Variants in CHFR observed in about 807,000 individuals in gnomAD.
CHFR encodes E3 ubiquitin-protein ligase CHFR.
Under a neutral mutation model 87.6 loss-of-function variants are expected in CHFR, and 57 were observed. The ratio of observed to expected loss-of-function variants is 0.65; its 90% confidence interval spans 0.53 to 0.81. The LOEUF is 0.81. Ranked by LOEUF, CHFR falls within the 30% of genes least tolerant of loss-of-function variation. The probability of loss-of-function intolerance (pLI) is 0.00; values close to 1 mark genes in which losing one functional copy is unlikely to be tolerated. For synonymous variants in CHFR, 381 were observed against 359.2 expected (o/e 1.06, Z -0.69); for missense variants, 797 against 865.8 (o/e 0.92, Z 1.00).
chr12:132,853,653 A>G, intron 10 of CHFR, 80 bp from the exon 11 acceptor site: 1 of 1,432,692 alleles, frequency 7.0e-7, no homozygotes, highest in South Asian at 1.4e-5. Flanking sequence ...GTCCGCAGCC[A>G]TCACAGCTCA....
intron 14 of CHFR, chr12:132,847,668 G>A (rs1324235723): frequency 9.1e-7 from 1 of 1,100,972 alleles, no homozygotes; most frequent in Non-Finnish European, 1.1e-6. Flanking sequence ...TTAAACATAT[G>A]TAAATCCTAG....
At chr12:132,880,120 G>C (rs1209627299) in intron 2 of CHFR, among the ~76,000 whole-genome samples, 2 of 152,142 alleles carry the variant, frequency 1.3e-5, no homozygotes, top group Non-Finnish European at 2.9e-5. Flanking sequence ...TTTTGAAAAA[G>C]AATGAAGCTG....
At chr12:132,863,562 G>A (rs1476542496) in intron 6 of CHFR, among the ~76,000 whole-genome samples, 2 of 152,144 alleles carry the variant, frequency 1.3e-5, no homozygotes, top group Non-Finnish European at 2.9e-5. Flanking sequence ...TCTGTGTAAA[G>A]CACAGATGCT....
chr12:132,861,038 C>G (rs1038985416), intron 7 of CHFR, among the ~76,000 whole-genome samples: 2 of 152,160 alleles, frequency 1.3e-5, no homozygotes, highest in Non-Finnish European at 2.9e-5. Flanking sequence ...TAGGCGGGAG[C>G]CACGGTGTCA....
chr12:132,853,340 C>G (rs868539292), intron 11 of CHFR, 91 bp downstream of exon 11: 2 of 1,312,048 alleles, frequency 1.5e-6, no homozygotes, highest in African/African-American at 1.5e-5. Context: ...AGACAGGAGG[C>G]GGGCAGAGCG....
intron 9 of CHFR, 189 bp from the exon 10 acceptor site, chr12:132,856,819 G>A (rs867313727): frequency 3.9e-5 from 27 of 696,522 alleles, no homozygotes; most frequent in East Asian, 5.4e-5. Context: ...ATGCCCTCAC[G>A]TGCCCGGGTG....
chr12:132,842,824 T>G (rs1354071095), intron 17 of CHFR, among the ~76,000 whole-genome samples, 187 bp downstream of exon 17: 1 of 152,142 alleles, frequency 6.6e-6, no homozygotes, highest in Admixed American at 6.5e-5. Context: ...GACACAGAAG[T>G]GGAAGACGGA....
chr12:132,862,999 C>G (rs1197754685), intron 6 of CHFR, among the ~76,000 whole-genome samples: 3 of 151,002 alleles, frequency 2.0e-5, no homozygotes, highest in Admixed American at 2.0e-4. Flanking sequence ...CTGGTTCACG[C>G]CATTCTCCTG....
chr12:132,847,060 C>A lies in CHFR; in HGVS notation c.1718G>T (p.Gly573Val). The A allele has an allele frequency of 1.2e-6, 2 of 1,613,290 alleles. No homozygotes were observed. The highest frequency in any genetic ancestry group is 1.7e-6 in the Non-Finnish European group (2 of 1,179,460). Residue 573 changes from glycine (G) to valine (V), a missense_variant, in exon 15 of 18, where the codon GGA becomes GTA. Physicochemically the swap from Gly to Val is moderately radical, Grantham distance 109 (BLOSUM62 -3). Transcript: ENST00000450056. ...GAACTCACCAGACAGCAGAAACACT[C>A]CCCGCTGGAGAGCCACGAGGCTCTC... ...LTESLVALQRGVFLLSDYRVT... is the reference protein window; with the variant it reads ...LTESLVALQRVVFLLSDYRVT...
chr12:132,849,033 G>A (rs1327311200), intron 12 of CHFR: 2 of 285,140 alleles, frequency 7.0e-6, no homozygotes, highest in Admixed American at 5.0e-5. Flanking sequence ...TGCAACCTCC[G>A]CCTCCTGGGT....
chr12:132,872,307 G>A lies in CHFR; in HGVS notation c.321C>T (p.Tyr107=), dbSNP rs768330210. The change falls in exon 4 of 18, where the codon TAC becomes TAT. Residue 107 remains tyrosine (Y), a synonymous_variant. Coordinates refer to ENST00000450056, the MANE Select transcript of CHFR (RefSeq NM_001161346.2). ...LQTGDVIYLV[Y]RKNEPEHNVA... ...TACTGTGTTCCGGTTCATTCTTCCTGTACACCAAGTAGATGACATCCCCAG... is the reference window on the plus strand; with the variant it reads ...TACTGTGTTCCGGTTCATTCTTCCTATACACCAAGTAGATGACATCCCCAG... 38 of 1,611,860 alleles carry A rather than the reference G, an allele frequency of 2.4e-5. No individual in the cohort carries two copies. Among genetic ancestry groups the A allele is most frequent in the Non-Finnish European group, 3.0e-5 (35 of 1,178,134 alleles).
intron 6 of CHFR, among the ~76,000 whole-genome samples, chr12:132,863,762 C>T (rs888794998): frequency 3.3e-5 from 5 of 152,088 alleles, no homozygotes; most frequent in African/African-American, 9.7e-5. Flanking sequence ...TTTCTAATCA[C>T]CTCTATCTTT....
chr12:132,858,439 G>A (rs990904730), intron 8 of CHFR, among the ~76,000 whole-genome samples: 1 of 151,754 alleles, frequency 6.6e-6, no homozygotes, highest in African/African-American at 2.4e-5. Context: ...AAAATCAGCA[G>A]GGTGGCTGGG....
At position 132,836,637 on chromosome 12, in the gene CHFR, T is replaced by TGAG; in HGVS notation, c.*4916_*4917insCTC. ...CAACATTCTCTCCTGAGTCCATTCC[T>TGAG]TCCACAGACATGCACGACCAAGTGT... On this transcript the variant is annotated 3_prime_UTR_variant, in exon 18 of 18. Coordinates refer to ENST00000450056, the MANE Select transcript of CHFR (RefSeq NM_001161346.2). 1 of 456,106 alleles carries TGAG rather than the reference T, an allele frequency of 2.2e-6. No homozygotes were observed. The highest frequency in any genetic ancestry group is 4.4e-6 in the Non-Finnish European group (1 of 226,806). 28.3% of individuals were successfully genotyped at this position (456,106 alleles called of 1,614,324 possible).
chr12:132,843,119 T>C, intron 16 of CHFR, 36 bp from the exon 17 acceptor site: 1 of 1,579,716 alleles, frequency 6.3e-7, no homozygotes, highest in Non-Finnish European at 8.7e-7. Flanking sequence ...CTATGAGATG[T>C]ATTGCACGCA....
At position 132,836,834 on chromosome 12, in the gene CHFR, A is replaced by G. The variant is rs1303919094; in HGVS notation, c.*4720T>C. 2.2e-6 allele frequency: 1 copy of G among 451,648 alleles called. No individual in the cohort carries two copies. The highest frequency in any genetic ancestry group is 2.0e-5 in the African/African-American group (1 of 49,968). 28.0% of individuals were successfully genotyped at this position (451,648 alleles called of 1,614,324 possible). A position where few individuals can be genotyped will look rare whatever the true frequency, so the allele number is the denominator to read the frequency against. On this transcript the variant is annotated 3_prime_UTR_variant, in exon 18 of 18. Coordinates refer to ENST00000450056, the MANE Select transcript of CHFR (RefSeq NM_001161346.2). Reference sequence around the variant, plus strand: ...TCAGACCTTCACCGTTCAGTAGCCAACTGGTCAGTGATCAGTAGATGCTGC... The same window carrying G: ...TCAGACCTTCACCGTTCAGTAGCCAGCTGGTCAGTGATCAGTAGATGCTGC...
chr12:132,882,925 C>T (rs1951801637), intron 2 of CHFR: 1 of 152,118 alleles, frequency 6.6e-6, no homozygotes, highest in African/African-American at 2.4e-5. Flanking sequence ...TGGTCTCAAA[C>T]TCATAGGGTC....
chr12:132,847,032 G>GT lies in CHFR; in HGVS notation c.1735+10_1735+11insA. ...ATGCGCCTTAGAGCAGGAGGCAACA[G>GT]AAGAACTCACCAGACAGCAGAAACA... On this transcript the variant is annotated intron_variant, in intron 15 of 17. Coordinates refer to ENST00000450056, the MANE Select transcript of CHFR (RefSeq NM_001161346.2). The GT allele has an allele frequency of 6.2e-7, 1 of 1,605,180 alleles. No homozygotes were observed. Among genetic ancestry groups the GT allele is most frequent in the South Asian group, 1.1e-5 (1 of 90,886 alleles).
At chr12:132,885,768 C>T (rs989941984) in intron 2 of CHFR, among the ~76,000 whole-genome samples, 9 of 152,102 alleles carry the variant, frequency 5.9e-5, no homozygotes, top group Non-Finnish European at 1.3e-4. Context: ...GGTACATAGG[C>T]GCAGAAAGAT....
Sources: gnomAD v4.1 joint callset for allele counts (sites outside exome capture counted in the v4.1 genomes callset) on GRCh38, gnomAD v4.1.1 for gene constraint, MANE v1.5 for transcripts, NCBI Gene and HGNC (gene_info 2026-07-23, HGNC 2026-07-21) for gene names.